Variants in THSD7A observed in about 807,000 individuals in gnomAD.
THSD7A encodes the protein thrombospondin type 1 domain containing 7A.
Under a neutral mutation model 231.3 loss-of-function variants are expected in THSD7A, and 96 were observed. That is an observed-to-expected ratio of 0.41 (90% confidence interval 0.35 to 0.49). THSD7A has a LOEUF of 0.49. Ranked by LOEUF, THSD7A falls within the 20% of genes least tolerant of loss-of-function variation. THSD7A has a pLI of 0.05. For missense variants in THSD7A, 2,290 were observed against 2,070.2 expected, an observed-to-expected ratio of 1.11 and a Z score of -2.06; for synonymous variants, 940 against 743.3, an observed-to-expected ratio of 1.26 and a Z score of -4.30.
chr7:11,804,639 G>A (rs1784355101), intron 1 of THSD7A, among the ~76,000 whole-genome samples: 1 of 152,094 alleles, frequency 6.6e-6, no homozygotes, highest in Non-Finnish European at 1.5e-5. Context: ...ATATTCTTAT[G>A]AAATCATGTG....
At chr7:11,560,955 G>C (rs1038699205) in intron 4 of THSD7A, among the ~76,000 whole-genome samples, 4 of 152,150 alleles carry the variant, frequency 2.6e-5, no homozygotes, top group African/African-American at 9.7e-5. Context: ...ATGTCACACT[G>C]TTCCAAGTAC....
chr7:11,653,226 G>A (rs1008743887), intron 1 of THSD7A, among the ~76,000 whole-genome samples: 20 of 151,238 alleles, frequency 1.3e-4, no homozygotes, highest in African/African-American at 4.9e-4. Context: ...TTATTATTTT[G>A]CTGATTCAAA....
intron 1 of THSD7A, among the ~76,000 whole-genome samples, chr7:11,668,317 C>T (rs1783228867): frequency 6.6e-6 from 1 of 151,992 alleles, no homozygotes; most frequent in Admixed American, 6.6e-5. Context: ...TCTCGGGAGA[C>T]TGAGGCAGGA....
intron 14 of THSD7A, among the ~76,000 whole-genome samples, chr7:11,427,682 T>G (rs1208910459): frequency 6.6e-6 from 1 of 152,206 alleles, no homozygotes; most frequent in Non-Finnish European, 1.5e-5. Flanking sequence ...AATTTGCTAC[T>G]GAAAATTCAA....
At chr7:11,696,564 T>G (rs1780407459) in intron 1 of THSD7A, among the ~76,000 whole-genome samples, 1 of 151,302 alleles carries the variant, frequency 6.6e-6, no homozygotes, top group South Asian at 2.1e-4. Flanking sequence ...ATTAGGTATT[T>G]GTCATAATGC....
chr7:11,490,634 T>C (rs1240675222), intron 6 of THSD7A, among the ~76,000 whole-genome samples: 8 of 152,072 alleles, frequency 5.3e-5, no homozygotes, highest in African/African-American at 1.4e-4. Context: ...ATTCCTTTTT[T>C]CCCCAGTTAT....
Position 11,460,700 on chromosome 7 carries a change from C to CCAG in THSD7A, c.2564_2566dup (p.Pro855_Gly856insAla), listed in dbSNP as rs769595564. 239 of 1,612,142 alleles carry CCAG rather than the reference C, an allele frequency of 1.5e-4. 1 individual carries two copies. In the Admixed American group the frequency reaches 3.9e-3, roughly 27 times the overall value. ...CCCAGGCCCACAGCCTTCCTGTGCT[C>CCAG]CAGGGCTGTCTTGTTGCACGCTCCA... On this transcript the variant is annotated inframe_insertion, in exon 11 of 28. Transcript: ENST00000423059.
chr7:11,555,344 T>G (rs1377631680), intron 4 of THSD7A, among the ~76,000 whole-genome samples: 1 of 152,032 alleles, frequency 6.6e-6, no homozygotes, highest in Non-Finnish European at 1.5e-5. Context: ...ACACATTGAT[T>G]GTTTAGAAGT....
At chr7:11,465,138 C>T (rs1476138451) in intron 9 of THSD7A, among the ~76,000 whole-genome samples, 2 of 152,108 alleles carry the variant, frequency 1.3e-5, no homozygotes, top group Non-Finnish European at 2.9e-5. Flanking sequence ...ACAAGAGTCA[C>T]ATATAGTAAG....
At chr7:11,765,472 AG>A (rs758285312) in intron 1 of THSD7A, among the ~76,000 whole-genome samples, 1 of 152,230 alleles carries the variant, frequency 6.6e-6, no homozygotes, top group Non-Finnish European at 1.5e-5. Flanking sequence ...ACAGGTCAAA[AG>A]CAACAAATGT....
At chr7:11,769,337 A>G (rs981928985) in intron 1 of THSD7A, among the ~76,000 whole-genome samples, 1 of 150,160 alleles carries the variant, frequency 6.7e-6, no homozygotes, top group African/African-American at 2.4e-5. Flanking sequence ...AGAGCAGCCT[A>G]CTCTGGAAAA....
Position 11,794,307 on chromosome 7 carries a change from G to T in THSD7A, c.190+37450C>A, listed in dbSNP as rs1784053895. On this transcript the variant is annotated intron_variant, in intron 1 of 27. Transcript: ENST00000423059. ...GAAAAATTTGAGTCAGCACTTCAAA[G>T]CTCTGACAGTGTTTCCTTGCATAAT... is the stretch of plus-strand genomic sequence containing the variant. Among the ~76,000 whole-genome samples the T allele has an allele frequency of 2.6e-5, 4 of 151,868 alleles. No individual in the cohort carries two copies. In the South Asian group the frequency reaches 6.2e-4, roughly 24 times the overall value.
chr7:11,539,969 G>C (rs1427838346), intron 6 of THSD7A, among the ~76,000 whole-genome samples: 2 of 152,186 alleles, frequency 1.3e-5, no homozygotes, highest in Non-Finnish European at 2.9e-5. Flanking sequence ...GACCCTGACT[G>C]TTTTTACAGC....
intron 1 of THSD7A, among the ~76,000 whole-genome samples, chr7:11,748,975 G>C (rs369364208): frequency 6.6e-6 from 1 of 151,886 alleles, no homozygotes. Context: ...CCAGCTGAGC[G>C]GGGAGGGGAG....
chr7:11,676,081 C>A (rs1053103807), intron 1 of THSD7A, among the ~76,000 whole-genome samples: 1 of 152,182 alleles, frequency 6.6e-6, no homozygotes, highest in African/African-American at 2.4e-5. Context: ...AAGCAGCAAT[C>A]TTTGCTGTTC....
chr7:11,558,818 A>G (rs1217928031), intron 4 of THSD7A, among the ~76,000 whole-genome samples: 1 of 152,100 alleles, frequency 6.6e-6, no homozygotes, highest in African/African-American at 2.4e-5. Context: ...GAACCTGTGA[A>G]TGTGTTATCT....
chr7:11,440,782 G>A, intron 13 of THSD7A, among the ~76,000 whole-genome samples: 1 of 152,044 alleles, frequency 6.6e-6, no homozygotes, highest in African/African-American at 2.4e-5. Context: ...TCTGCTCCGG[G>A]TGAAGATGCA....
intron 2 of THSD7A, among the ~76,000 whole-genome samples, chr7:11,628,200 G>C (rs1487723180): frequency 6.6e-6 from 1 of 152,060 alleles, no homozygotes; most frequent in Non-Finnish European, 1.5e-5. Flanking sequence ...AGACCTGCAG[G>C]ATATAAAGTC....
At chr7:11,724,149 A>G (rs1354875826) in intron 1 of THSD7A, among the ~76,000 whole-genome samples, 1 of 151,982 alleles carries the variant, frequency 6.6e-6, no homozygotes, top group Admixed American at 6.6e-5. Context: ...TATTGGAGTA[A>G]GAGAGATCAA....
Sources: allele counts gnomAD v4.1 joint callset (sites outside exome capture counted in the v4.1 genomes callset), GRCh38; gene constraint gnomAD v4.1.1; transcripts MANE v1.5; gene names NCBI Gene and HGNC (gene_info 2026-07-23, HGNC 2026-07-21).